FRMD3: variants seen among roughly 807,000 people sequenced by gnomAD.
FRMD3 encodes FERM domain containing 3.
A neutral mutation model predicts 70.2 loss-of-function variants in FRMD3; 33 were observed. That is an observed-to-expected ratio of 0.47 (90% confidence interval 0.36 to 0.63). The LOEUF (loss-of-function observed/expected upper bound fraction) is 0.63, where lower values mean the gene tolerates loss of function less well. Ranked by LOEUF, FRMD3 falls within the 20% of genes least tolerant of loss-of-function variation. The pLI, the probability that FRMD3 is intolerant of heterozygous loss-of-function variation, is 0.00. For missense variants in FRMD3, 632 were observed against 711.4 expected, an observed-to-expected ratio of 0.89 and a Z score of 1.27; for synonymous variants, 279 against 255.9, an observed-to-expected ratio of 1.09 and a Z score of -0.86.
At chr9:83,368,925 G>T (rs1363004869) in intron 3 of FRMD3, among the ~76,000 whole-genome samples, 1 of 151,978 alleles carries the variant, frequency 6.6e-6, no homozygotes, top group Non-Finnish European at 1.5e-5. Context: ...CACCAACTCG[G>T]CTCACTTCAA....
chr9:83,568,692 C>G, the FRMD3 span, among the ~76,000 whole-genome samples: 13 of 152,124 alleles, frequency 8.5e-5, no homozygotes, highest in East Asian at 1.4e-3. Context: ...AAGTTTCAGA[C>G]AGACAGGAGG....
At chr9:83,272,796 C>G (rs1373182866) in intron 13 of FRMD3, among the ~76,000 whole-genome samples, 1 of 149,984 alleles carries the variant, frequency 6.7e-6, no homozygotes, top group Non-Finnish European at 1.5e-5. Context: ...CCCGCCGCCC[C>G]GTCTGGGATG....
chr9:83,484,059 C>A lies in FRMD3; in HGVS notation c.147+54026G>T, dbSNP rs565188612. ...GAGAGGAAATTTATGATAAAAATTT[C>A]AGAGCTTAAGGATAGGTGTTTATTC... On this transcript the variant is annotated intron_variant, in intron 1 of 13. Transcript: ENST00000304195. Among the ~76,000 whole-genome samples the A allele has an allele frequency of 6.0e-4, 91 of 152,254 alleles. 1 individual carries two copies. The highest frequency in any genetic ancestry group is 2.2e-3 in the African/African-American group (90 of 41,550).
intron 1 of FRMD3, among the ~76,000 whole-genome samples, chr9:83,440,162 G>A (rs1027421516): frequency 2.0e-4 from 31 of 152,312 alleles, no homozygotes; most frequent in African/African-American, 7.0e-4. Flanking sequence ...GTAGCCAGTG[G>A]TCCTATGCCT....
chr9:83,567,452 T>C, the FRMD3 span, among the ~76,000 whole-genome samples: 1 of 152,252 alleles, frequency 6.6e-6, no homozygotes, highest in African/African-American at 2.4e-5. Context: ...TGCTTGCTAC[T>C]TATGCAAATT....
intron 1 of FRMD3, among the ~76,000 whole-genome samples, chr9:83,507,362 G>A (rs1415964272): frequency 4.7e-4 from 29 of 61,144 alleles, no homozygotes; most frequent in Admixed American, 1.9e-3. Context: ...GCAAGACTCC[G>A]TCTCAAAAAA....
At chr9:83,282,623 A>G (rs980476700) in intron 13 of FRMD3, among the ~76,000 whole-genome samples, 3 of 151,882 alleles carry the variant, frequency 2.0e-5, no homozygotes, top group African/African-American at 4.8e-5. Context: ...CTCAAATCCA[A>G]TCTTCTTGTT....
At chr9:83,489,893 G>A (rs1828777721) in intron 1 of FRMD3, among the ~76,000 whole-genome samples, 1 of 152,164 alleles carries the variant, frequency 6.6e-6, no homozygotes, top group Non-Finnish European at 1.5e-5. Flanking sequence ...TATGACTTTT[G>A]TTCAGCCTCG....
At position 83,355,080 on chromosome 9, in the gene FRMD3, GC is replaced by G. The variant is rs572697219; in HGVS notation, c.296-5324del. The stretch of plus-strand genomic sequence containing the variant: ...GAGCCTTCTCAGATGCAACATGGAA[GC>G]CCCCACTTACTCCCTGGGACATGTC... On this transcript the variant is annotated intron_variant, in intron 3 of 13. Transcript: ENST00000304195. Among the ~76,000 whole-genome samples, 11 of 152,236 alleles carry G rather than the reference GC, an allele frequency of 7.2e-5. No individual in the cohort carries two copies. The East Asian group carries it at 1.9e-3, about 27-fold the overall frequency.
the FRMD3 span, among the ~76,000 whole-genome samples, chr9:83,575,722 T>C: frequency 2.0e-5 from 3 of 152,190 alleles, no homozygotes; most frequent in Non-Finnish European, 4.4e-5. Context: ...CAAATCTGAA[T>C]AAACCTATAA....
chr9:83,391,278 A>G (rs1825658572), intron 1 of FRMD3, among the ~76,000 whole-genome samples: 1 of 152,222 alleles, frequency 6.6e-6, no homozygotes, highest in Non-Finnish European at 1.5e-5. Context: ...TTAATCCAGG[A>G]GTCTCAAATG....
rs1564032949 is a variant in FRMD3, at chr9:83,357,290, TATATATAA to T, written c.296-7541_296-7534del. 2.2e-4 allele frequency among the ~76,000 whole-genome samples: 19 copies of T among 84,858 alleles called. 2 individuals carry two copies. The highest frequency in any genetic ancestry group is 3.7e-4 in the South Asian group (1 of 2,674). 55.7% of individuals were successfully genotyped at this position (84,858 alleles called of 152,430 possible). ...ATATATATATATATATATATATATA[TATATATAA>T]AACATTTTCTTTATCCACTCATTGA... is the stretch of plus-strand genomic sequence containing the variant. On this transcript the variant is annotated intron_variant, in intron 3 of 13. Coordinates refer to ENST00000304195, the MANE Select transcript of FRMD3 (RefSeq NM_174938.6).
intron 1 of FRMD3, among the ~76,000 whole-genome samples, chr9:83,396,586 A>C (rs1200573898): frequency 1.3e-5 from 2 of 152,198 alleles, no homozygotes; most frequent in Non-Finnish European, 2.9e-5. Flanking sequence ...GCTTAGGCCA[A>C]TGAGACATGA....
chr9:83,437,074 T>C (rs1827157045), intron 1 of FRMD3, among the ~76,000 whole-genome samples: 1 of 152,206 alleles, frequency 6.6e-6, no homozygotes, highest in Non-Finnish European at 1.5e-5. Flanking sequence ...AAAAAGACGA[T>C]GAGGTGCTCT....
At chr9:83,381,356 A>G (rs1387002697) in intron 2 of FRMD3, among the ~76,000 whole-genome samples, 1 of 152,178 alleles carries the variant, frequency 6.6e-6, no homozygotes, top group African/African-American at 2.4e-5. Flanking sequence ...GGAGATCGAG[A>G]CTGTCCTGGC....
rs79577493 is a variant in FRMD3 at position 83,533,496 on chromosome 9, T to C, written c.147+4589A>G. 7.5e-3 allele frequency among the ~76,000 whole-genome samples: 1,144 copies of C among 152,318 alleles called. 5 individuals are homozygous for C. The highest frequency in any genetic ancestry group is 0.011 in the Non-Finnish European group (718 of 68,034). On this transcript the variant is annotated intron_variant, in intron 1 of 13. Coordinates refer to ENST00000304195, the MANE Select transcript of FRMD3 (RefSeq NM_174938.6). ...AAGAAAATTGACTCCAAATGTCAAATGACTCACTCAAGATCACACAGCTGG... is the reference window on the plus strand; with the variant it reads ...AAGAAAATTGACTCCAAATGTCAAACGACTCACTCAAGATCACACAGCTGG...
the FRMD3 span, among the ~76,000 whole-genome samples, chr9:83,577,872 CA>C: frequency 2.7e-5 from 4 of 150,270 alleles, no homozygotes; most frequent in East Asian, 7.8e-4. Context: ...AAATAATAGA[CA>C]AAAAAATTAA....
chr9:83,371,323 T>G (rs914933592), intron 3 of FRMD3, among the ~76,000 whole-genome samples: 2 of 15,944 alleles, frequency 1.3e-4, no homozygotes, highest in Non-Finnish European at 2.7e-4. Context: ...TCTTATTACT[T>G]TTTTTTTTTT....
intron 1 of FRMD3, among the ~76,000 whole-genome samples, chr9:83,437,839 G>A (rs1376313137): frequency 1.3e-5 from 2 of 152,212 alleles, no homozygotes; most frequent in Non-Finnish European, 2.9e-5. Context: ...GTTTGTATGA[G>A]ACTTGTCATA....
Sources: allele counts gnomAD v4.1 joint callset (sites outside exome capture counted in the v4.1 genomes callset), GRCh38; gene constraint gnomAD v4.1.1; transcripts MANE v1.5; gene names NCBI Gene and HGNC (gene_info 2026-07-23, HGNC 2026-07-21).